DAB1: variants seen among roughly 807,000 people sequenced by gnomAD.
The protein encoded by DAB1 is disabled homolog 1.
DAB1 carries 15 observed loss-of-function variants against 64.6 expected under a neutral mutation model. The ratio of observed to expected loss-of-function variants is 0.23; its 90% CI spans 0.16 to 0.36. The LOEUF (loss-of-function observed/expected upper bound fraction) is 0.36. Ranked by LOEUF, DAB1 falls within the 10% of genes least tolerant of loss-of-function variation. The pLI, the probability that DAB1 is intolerant of heterozygous loss-of-function variation, is 1.00. For missense variants in DAB1, 596 were observed against 706.7 expected (o/e 0.84, Z 1.78); for synonymous variants, 235 against 251.9 (o/e 0.93, Z 0.64).
At chr1:57,766,799 T>A (rs1390240704) in intron 6 of DAB1, among the ~76,000 whole-genome samples, 2 of 123,370 alleles carry the variant, frequency 1.6e-5, no homozygotes, top group African/African-American at 2.8e-5. Context: ...AAATACTGGG[T>A]CCCTAGGCAA....
chr1:58,238,934 T>C lies in DAB1; in HGVS notation n.310-88346A>G, dbSNP rs540044938. 1.1e-4 allele frequency among the ~76,000 whole-genome samples: 17 copies of C among 152,254 alleles called. No homozygotes were observed. In the East Asian group the frequency reaches 2.1e-3, roughly 19 times the overall value. ...TAGAAGGGCATGTTAAAAGAAGGTATATACCATATGCATAGAGAGTAACTT... is the reference window on the plus strand; with the variant it reads ...TAGAAGGGCATGTTAAAAGAAGGTACATACCATATGCATAGAGAGTAACTT... On this transcript the variant is annotated intron_variant and non_coding_transcript_variant, in intron 4 of 20. Coordinates refer to the DAB1 transcript ENST00000485760.
chr1:57,215,503 GCA>G (rs1666357015), intron 2 of DAB1, among the ~76,000 whole-genome samples: 1 of 152,154 alleles, frequency 6.6e-6, no homozygotes, highest in African/African-American at 2.4e-5. Context: ...AACTTTCTGA[GCA>G]CACAGTCTTT....
At chr1:58,228,878 C>A in intron 4 of DAB1, 2 of 563,650 alleles carry the variant, frequency 3.5e-6, no homozygotes, top group South Asian at 1.6e-5. Flanking sequence ...AGGCCCAGAG[C>A]ATCCGCAGGC....
intron 1 of DAB1, among the ~76,000 whole-genome samples, chr1:57,423,027 C>G (rs1359140009): frequency 3.3e-5 from 5 of 151,858 alleles, no homozygotes; most frequent in African/African-American, 1.2e-4. Flanking sequence ...CCAGTGGCCC[C>G]TTTCAGACGC....
At chr1:57,273,059 C>A (rs1671139748) in intron 2 of DAB1, among the ~76,000 whole-genome samples, 1 of 152,144 alleles carries the variant, frequency 6.6e-6, no homozygotes, top group African/African-American at 2.4e-5. Flanking sequence ...ACTCTGGGAC[C>A]TCAACTTCTA....
At chr1:57,620,631 C>T (rs927823662) in intron 7 of DAB1, among the ~76,000 whole-genome samples, 9 of 152,204 alleles carry the variant, frequency 5.9e-5, no homozygotes, top group Non-Finnish European at 1.2e-4. Flanking sequence ...ACATGTGGCA[C>T]AGTGCCAGGC....
At chr1:58,276,367 C>T (rs765686569) in intron 4 of DAB1, among the ~76,000 whole-genome samples, 1 of 152,014 alleles carries the variant, frequency 6.6e-6, no homozygotes, top group African/African-American at 2.4e-5. Flanking sequence ...GCAATGTGGC[C>T]TCTTTTTCTC....
rs12084789 is a variant in DAB1 at position 57,438,908 on chromosome 1, C to T, written n.626-147742G>A. On this transcript the variant is annotated intron_variant and non_coding_transcript_variant, in intron 7 of 20. Coordinates refer to the DAB1 transcript ENST00000485760. Reference sequence around the variant, plus strand: ...CATCCTACTCATCTCTACCTCATTTCCTCCTTCCTGAAAAATCTCAATTCC... The same window carrying T: ...CATCCTACTCATCTCTACCTCATTTTCTCCTTCCTGAAAAATCTCAATTCC... Among the ~76,000 whole-genome samples the T allele has an allele frequency of 9.9e-3, 1,506 of 152,242 alleles. 30 individuals are homozygous for T. Among genetic ancestry groups the T allele is most frequent in the African/African-American group, 0.034 (1,396 of 41,526 alleles).
At chr1:57,544,920 A>G (rs571002737) in intron 7 of DAB1, among the ~76,000 whole-genome samples, 36 of 152,270 alleles carry the variant, frequency 2.4e-4, no homozygotes, top group Admixed American at 7.2e-4. Flanking sequence ...AACCTCTTTC[A>G]TTTATAAATT....
intron 1 of DAB1, among the ~76,000 whole-genome samples, chr1:57,389,512 C>T (rs1682164156): frequency 6.6e-6 from 1 of 152,134 alleles, no homozygotes; most frequent in Admixed American, 6.5e-5. Flanking sequence ...TGTGGCCCTG[C>T]CTCAAATATG....
intron 1 of DAB1, among the ~76,000 whole-genome samples, chr1:58,535,197 T>TA (rs1646496848): frequency 6.6e-6 from 1 of 152,222 alleles, no homozygotes. Context: ...CCACAGAAGA[T>TA]ACTTTTTCTG....
chr1:58,254,477 T>C (rs1205696960), intron 4 of DAB1, among the ~76,000 whole-genome samples: 2 of 135,412 alleles, frequency 1.5e-5, no homozygotes, highest in African/African-American at 5.7e-5. Flanking sequence ...TGTGCCATGC[T>C]GGTGCGCTGC....
At chr1:57,998,426 T>C (rs1411755061) in intron 5 of DAB1, among the ~76,000 whole-genome samples, 4 of 144,970 alleles carry the variant, frequency 2.8e-5, no homozygotes, top group African/African-American at 1.0e-4. Context: ...ATTCTTGCAA[T>C]GGTGCGATCT....
At chr1:57,331,949 G>C (rs1013078319) in intron 1 of DAB1, among the ~76,000 whole-genome samples, 2 of 152,110 alleles carry the variant, frequency 1.3e-5, no homozygotes, top group African/African-American at 4.8e-5. Context: ...CTTACTCTAA[G>C]AGTTTTTTGT....
chr1:57,253,608 A>G (rs190045192), intron 2 of DAB1, among the ~76,000 whole-genome samples: 2 of 152,298 alleles, frequency 1.3e-5, no homozygotes, highest in Admixed American at 1.3e-4. Context: ...CAAAACCACC[A>G]CAAAATAAAA....
intron 14 of DAB1, among the ~76,000 whole-genome samples, chr1:57,002,152 A>G (rs1171359157): frequency 1.3e-5 from 2 of 152,228 alleles, no homozygotes; most frequent in African/African-American, 2.4e-5. Flanking sequence ...GATGGAAACC[A>G]TATGGTAAAA....
chr1:58,120,583 C>T (rs372480631), intron 5 of DAB1, among the ~76,000 whole-genome samples: 2 of 152,150 alleles, frequency 1.3e-5, no homozygotes, highest in African/African-American at 2.4e-5. Flanking sequence ...GTCTGGCCCA[C>T]GGAAGATGCT....
intron 5 of DAB1, among the ~76,000 whole-genome samples, chr1:58,149,661 G>A (rs1444652806): frequency 1.3e-5 from 2 of 152,180 alleles, no homozygotes; most frequent in Non-Finnish European, 2.9e-5. Context: ...ACTGAGTGTT[G>A]AAACCAACAG....
intron 2 of DAB1, among the ~76,000 whole-genome samples, chr1:57,228,144 T>G (rs1208909929): frequency 6.6e-6 from 1 of 152,228 alleles, no homozygotes; most frequent in Non-Finnish European, 1.5e-5. Context: ...TCAATAAGCC[T>G]TAATATCTGG....
Sources: gnomAD v4.1 joint callset for allele counts (sites outside exome capture counted in the v4.1 genomes callset) on GRCh38, gnomAD v4.1.1 for gene constraint, MANE v1.5 for transcripts, NCBI Gene and HGNC (gene_info 2026-07-23, HGNC 2026-07-21) for gene names.